SYT6: variants seen among roughly 807,000 people sequenced by gnomAD.
SYT6 encodes synaptotagmin 6.
A neutral mutation model predicts 38.4 loss-of-function variants in SYT6; 24 were observed. That is an observed-to-expected ratio of 0.62 (90% CI 0.45 to 0.88). The LOEUF (loss-of-function observed/expected upper bound fraction) is 0.88. SYT6 is among the 40% of genes least tolerant of loss of function. SYT6 has a pLI of 0.00. For missense variants in SYT6, 611 were observed against 621.0 expected (o/e 0.98, Z 0.17); for synonymous variants, 265 against 241.9 (o/e 1.10, Z -0.89).
chr1:114,095,495 G>A (rs530248168), intron 6 of SYT6, among the ~76,000 whole-genome samples: 38 of 152,274 alleles, frequency 2.5e-4, no homozygotes, highest in Non-Finnish European at 4.7e-4. Context: ...TAACAGGGAT[G>A]GGTTATTGCG....
chr1:114,103,576 AG>A (rs778034859), intron 4 of SYT6, 24 bp downstream of exon 4: 1 of 1,613,392 alleles, frequency 6.2e-7, no homozygotes, highest in Non-Finnish European at 8.5e-7. Flanking sequence ...GGCTGCTGGC[AG>A]GCCACTTGGG....
In SYT6 at chr1:114,089,714, G is replaced by C. The variant is rs1202722783; in HGVS notation, c.*2420C>G. On this transcript the variant is annotated 3_prime_UTR_variant, in exon 8 of 8. Coordinates refer to ENST00000610222, the MANE Select transcript of SYT6 (RefSeq NM_001253772.2). ...AGGCTGAGGAGTAGTCTACCTTGAGGGTGCTGGGGATGAGGCTGCAGGAGA... is the reference window on the plus strand; with the variant it reads ...AGGCTGAGGAGTAGTCTACCTTGAGCGTGCTGGGGATGAGGCTGCAGGAGA... 6.6e-6 allele frequency: 1 copy of C among 152,378 alleles called. No homozygotes were observed. The highest frequency in any genetic ancestry group is 2.1e-4 in the South Asian group (1 of 4,832). 9.4% of individuals were successfully genotyped at this position (152,378 alleles called of 1,614,324 possible).
chr1:114,133,072 T>G (rs1678250256), intron 3 of SYT6, among the ~76,000 whole-genome samples: 1 of 152,150 alleles, frequency 6.6e-6, no homozygotes, highest in African/African-American at 2.4e-5. Context: ...CCAGGCTCTC[T>G]GGAAGTATAT....
intron 3 of SYT6, among the ~76,000 whole-genome samples, chr1:114,129,581 TTTCTTTCTTTC>T (rs761522255): frequency 0.01 from 1,080 of 103,934 alleles, 3 homozygotes; most frequent in Non-Finnish European, 0.017. Flanking sequence ...TCTTTCTTTC[TTTCTTTCTTTC>T]TTTCTTTCTT....
chr1:114,148,036 C>T (rs912684372), intron 1 of SYT6, among the ~76,000 whole-genome samples: 1 of 152,254 alleles, frequency 6.6e-6, no homozygotes, highest in East Asian at 1.9e-4. Context: ...AGTTGAGATC[C>T]CCTTCAAGGC....
intron 3 of SYT6, among the ~76,000 whole-genome samples, chr1:114,125,100 C>T (rs1261746605): frequency 1.3e-5 from 2 of 152,236 alleles, no homozygotes; most frequent in African/African-American, 4.8e-5. Flanking sequence ...CCTCCCACCT[C>T]AAGTGCATCA....
intron 3 of SYT6, among the ~76,000 whole-genome samples, chr1:114,108,506 T>C (rs1413718889): frequency 6.6e-6 from 1 of 152,156 alleles, no homozygotes; most frequent in Non-Finnish European, 1.5e-5. Flanking sequence ...CCTTGGGCTA[T>C]AAAATGAAGG....
intron 6 of SYT6, among the ~76,000 whole-genome samples, chr1:114,095,234 G>A (rs988354944): frequency 2.6e-5 from 4 of 152,108 alleles, no homozygotes; most frequent in Non-Finnish European, 5.9e-5. Context: ...TCCCATTACT[G>A]TCTCATCAAA....
At chr1:114,129,608 C>CTTTCTTTCTT (rs1677995786) in intron 3 of SYT6, among the ~76,000 whole-genome samples, 1 of 76,100 alleles carries the variant, frequency 1.3e-5, no homozygotes, top group African/African-American at 4.6e-5. Context: ...TTCTTTCTTT[C>CTTTCTTTCTT]TTTCTTTCCT....
chr1:114,124,136 G>T (rs1301163678), intron 3 of SYT6, among the ~76,000 whole-genome samples: 2 of 152,178 alleles, frequency 1.3e-5, no homozygotes, highest in African/African-American at 4.8e-5. Flanking sequence ...ATAGGAAAAT[G>T]GCTTTACAAG....
intron 1 of SYT6, among the ~76,000 whole-genome samples, chr1:114,145,104 A>G (rs560768748): frequency 8.5e-5 from 13 of 152,242 alleles, no homozygotes; most frequent in African/African-American, 2.9e-4. Flanking sequence ...GGTGTCTCCA[A>G]TGGGGTGAAG....
intron 6 of SYT6, among the ~76,000 whole-genome samples, chr1:114,097,130 A>G (rs1419724604): frequency 6.6e-6 from 1 of 152,230 alleles, no homozygotes; most frequent in Non-Finnish European, 1.5e-5. Context: ...TGGGACTCCC[A>G]GCCCAGTGCT....
At chr1:114,100,895 C>A (rs72628773) in intron 4 of SYT6, among the ~76,000 whole-genome samples, 1 of 152,028 alleles carries the variant, frequency 6.6e-6, no homozygotes, top group African/African-American at 2.4e-5. Context: ...GCTCAGGTGC[C>A]GCCTCATTCC....
At chr1:114,094,648 C>T (rs1462397439) in intron 6 of SYT6, among the ~76,000 whole-genome samples, 1 of 152,184 alleles carries the variant, frequency 6.6e-6, no homozygotes, top group Non-Finnish European at 1.5e-5. Flanking sequence ...AGTATAATGC[C>T]CTCTGTTCTC....
At chr1:114,140,299 T>C (rs1678794544) in intron 1 of SYT6, among the ~76,000 whole-genome samples, 3 of 144,956 alleles carry the variant, frequency 2.1e-5, no homozygotes. Flanking sequence ...GAAATGAAAA[T>C]AATTTAAATA....
At chr1:114,127,364 C>T (rs1201088921) in intron 3 of SYT6, among the ~76,000 whole-genome samples, 3 of 152,126 alleles carry the variant, frequency 2.0e-5, no homozygotes. Context: ...AGGGTGGAAC[C>T]CACACCTCTC....
In SYT6 at chr1:114,090,991, A is replaced by C. The variant is rs1186439230; in HGVS notation, c.*1143T>G. On this transcript the variant is annotated 3_prime_UTR_variant, in exon 8 of 8. Transcript: ENST00000610222. ...TATTGTCAAAGAGCCAAAGGGGCTG[A>C]AATAGGCTTACGCTGACTCGGTTTC... 2 of 153,018 alleles carry C rather than the reference A, an allele frequency of 1.3e-5. No homozygotes were observed. Among genetic ancestry groups the C allele is most frequent in the African/African-American group, 4.8e-5 (2 of 41,460 alleles). 9.5% of individuals were successfully genotyped at this position (153,018 alleles called of 1,614,324 possible).
At chr1:114,111,459 C>T (rs1676671973) in intron 3 of SYT6, among the ~76,000 whole-genome samples, 1 of 152,206 alleles carries the variant, frequency 6.6e-6, no homozygotes, top group Non-Finnish European at 1.5e-5. Flanking sequence ...CATCCTGCCT[C>T]TTGATGACAC....
intron 7 of SYT6, 150 bp from the exon 8 acceptor site, chr1:114,092,232 G>A (rs1675346734): frequency 2.8e-6 from 2 of 712,266 alleles, no homozygotes; most frequent in East Asian, 5.5e-5. Flanking sequence ...AAAAACATAA[G>A]GGAAACAGCT....
Sources: gnomAD v4.1 joint callset for allele counts (sites outside exome capture counted in the v4.1 genomes callset) on GRCh38, gnomAD v4.1.1 for gene constraint, MANE v1.5 for transcripts, NCBI Gene and HGNC (gene_info 2026-07-23, HGNC 2026-07-21) for gene names.